CNTNAP2: variants seen among roughly 807,000 people sequenced by gnomAD.
The protein encoded by CNTNAP2 is contactin-associated protein-like 2.
In CNTNAP2, 98 loss-of-function variants were observed where a neutral mutation model predicts 155.2. The ratio of observed to expected loss-of-function variants is 0.63; its 90% CI spans 0.54 to 0.75. CNTNAP2 has a LOEUF of 0.75. Among genes scored for constraint, CNTNAP2 ranks in the 30% least tolerant of loss-of-function variants. CNTNAP2 has a pLI of 0.00. For synonymous variants in CNTNAP2, 651 were observed against 631.2 expected, an observed-to-expected ratio of 1.03 and a Z score of -0.47; for missense variants, 1,727 against 1,688.1, an observed-to-expected ratio of 1.02 and a Z score of -0.40.
chr7:147,362,629 T>C (rs531235955), intron 9 of CNTNAP2, among the ~76,000 whole-genome samples: 50 of 152,288 alleles, frequency 3.3e-4, no homozygotes, highest in Admixed American at 5.9e-4. Context: ...TGAATGTTCT[T>C]TACTCCTATT....
intron 9 of CNTNAP2, among the ~76,000 whole-genome samples, chr7:147,386,900 T>G (rs1260646035): frequency 6.6e-6 from 1 of 152,210 alleles, no homozygotes; most frequent in Non-Finnish European, 1.5e-5. Context: ...GAAAGAGGTT[T>G]AATGGACTTA....
At chr7:147,482,650 G>T (rs1406199026) in intron 10 of CNTNAP2, among the ~76,000 whole-genome samples, 1 of 152,004 alleles carries the variant, frequency 6.6e-6, no homozygotes, top group Non-Finnish European at 1.5e-5. Context: ...GAACCCAGGA[G>T]GCAGAGCTTG....
chr7:148,215,334 G>A (rs1795617059), intron 18 of CNTNAP2, among the ~76,000 whole-genome samples: 1 of 152,154 alleles, frequency 6.6e-6, no homozygotes, highest in African/African-American at 2.4e-5. Context: ...AATAACAAGG[G>A]TGACACCAGT....
At chr7:148,198,877 A>G (rs549066316) in intron 18 of CNTNAP2, among the ~76,000 whole-genome samples, 1 of 152,350 alleles carries the variant, frequency 6.6e-6, no homozygotes, top group Admixed American at 6.5e-5. Context: ...AAAAATATTG[A>G]TACCTGGGCC....
intron 15 of CNTNAP2, among the ~76,000 whole-genome samples, chr7:148,012,263 G>A (rs867428713): frequency 4.5e-4 from 69 of 152,190 alleles, no homozygotes; most frequent in African/African-American, 1.5e-3. Flanking sequence ...TTGCTCTTTC[G>A]AGTCCCCAGC....
At chr7:146,554,459 C>CT (rs1258831978) in intron 1 of CNTNAP2, among the ~76,000 whole-genome samples, 4 of 152,134 alleles carry the variant, frequency 2.6e-5, no homozygotes, top group Admixed American at 6.6e-5. Flanking sequence ...AATTGTAATA[C>CT]TTTTTTTAAA....
intron 3 of CNTNAP2, among the ~76,000 whole-genome samples, chr7:146,870,987 G>T (rs1795294180): frequency 6.6e-6 from 1 of 152,088 alleles, no homozygotes; most frequent in Non-Finnish European, 1.5e-5. Flanking sequence ...TTTACACATT[G>T]TCTGTTTATA....
At chr7:146,202,161 TTTGAGTTGCCACAG>T (rs1410722388) in intron 1 of CNTNAP2, among the ~76,000 whole-genome samples, 1 of 152,164 alleles carries the variant, frequency 6.6e-6, no homozygotes, top group Admixed American at 6.5e-5. Flanking sequence ...ATGCCACCTT[TTTGAGTTGCCACAG>T]TTGAGTTGCC....
chr7:148,111,929 G>A (rs966044145), intron 15 of CNTNAP2, among the ~76,000 whole-genome samples: 3 of 152,174 alleles, frequency 2.0e-5, no homozygotes, highest in African/African-American at 7.2e-5. Flanking sequence ...GGAAGTGGAT[G>A]TCATGAGATC....
chr7:148,371,987 T>C (rs1325690549), intron 21 of CNTNAP2, among the ~76,000 whole-genome samples: 1 of 151,894 alleles, frequency 6.6e-6, no homozygotes, highest in Admixed American at 6.6e-5. Context: ...GATCACAAGG[T>C]CAGGAGATCG....
At chr7:148,278,827 A>G (rs1434691725) in intron 21 of CNTNAP2, among the ~76,000 whole-genome samples, 1 of 152,252 alleles carries the variant, frequency 6.6e-6, no homozygotes, top group Non-Finnish European at 1.5e-5. Context: ...TACAATGGCC[A>G]GGAAAGTCGT....
intron 1 of CNTNAP2, among the ~76,000 whole-genome samples, chr7:146,621,391 G>T (rs1229311043): frequency 6.6e-6 from 1 of 152,024 alleles, no homozygotes; most frequent in African/African-American, 2.4e-5. Flanking sequence ...TTTACCTTTA[G>T]TCCTTGGCTT....
At chr7:147,478,995 C>T (rs1798371834) in intron 10 of CNTNAP2, among the ~76,000 whole-genome samples, 1 of 152,176 alleles carries the variant, frequency 6.6e-6, no homozygotes, top group South Asian at 2.1e-4. Context: ...AGGGTGACGA[C>T]AGGAAGAAAG....
chr7:146,678,058 A>G (rs896239839), intron 1 of CNTNAP2, among the ~76,000 whole-genome samples: 15 of 152,088 alleles, frequency 9.9e-5, no homozygotes, highest in Middle Eastern at 3.4e-3. Flanking sequence ...TATAAATGGC[A>G]TGTTTGTTAT....
chr7:148,035,494 G>A (rs1050278976), intron 15 of CNTNAP2, among the ~76,000 whole-genome samples: 1 of 152,206 alleles, frequency 6.6e-6, no homozygotes, highest in South Asian at 2.1e-4. Context: ...CCCAGGTGCA[G>A]CTGGTGCTGG....
chr7:146,984,475 G>GT (rs1798080074), intron 3 of CNTNAP2, among the ~76,000 whole-genome samples: 1 of 143,836 alleles, frequency 7.0e-6, no homozygotes, highest in Non-Finnish European at 1.5e-5. Flanking sequence ...CTCCTATTCT[G>GT]TTTTTTATTC....
intron 13 of CNTNAP2, among the ~76,000 whole-genome samples, chr7:147,849,077 T>C (rs13247212): frequency 0.073 from 11,127 of 152,194 alleles, 435 homozygotes; most frequent in East Asian, 0.14. Flanking sequence ...GTAAATATGA[T>C]TGATTTAATA....
At chr7:147,355,763 C>G (rs1325763231) in intron 9 of CNTNAP2, among the ~76,000 whole-genome samples, 1 of 152,022 alleles carries the variant, frequency 6.6e-6, no homozygotes, top group Admixed American at 6.6e-5. Context: ...CTGAATAGAC[C>G]AATAACAAGT....
intron 13 of CNTNAP2, among the ~76,000 whole-genome samples, chr7:147,876,569 T>A (rs1799422421): frequency 6.6e-6 from 1 of 152,180 alleles, no homozygotes; most frequent in African/African-American, 2.4e-5. Context: ...TTATGTGCTT[T>A]ACCAAACCTT....
Sources: gnomAD v4.1 joint callset for allele counts (sites outside exome capture counted in the v4.1 genomes callset) on GRCh38, gnomAD v4.1.1 for gene constraint, MANE v1.5 for transcripts, NCBI Gene and HGNC (gene_info 2026-07-23, HGNC 2026-07-21) for gene names.